PTGES2: variants seen among roughly 807,000 people sequenced by gnomAD.
The protein encoded by PTGES2 is GATE-binding factor 1.
PTGES2 carries 35 observed loss-of-function variants against 44.5 expected under a neutral mutation model. That is an observed-to-expected ratio of 0.79 (90% CI 0.60 to 1.04). The LOEUF (loss-of-function observed/expected upper bound fraction) is 1.04, where lower values mean the gene tolerates loss of function less well. Among genes scored for constraint, PTGES2 ranks in the 50% least tolerant of loss-of-function variants. The pLI, the probability that PTGES2 is intolerant of heterozygous loss-of-function variation, is 0.00. For missense variants in PTGES2, 517 were observed against 521.4 expected (o/e 0.99, Z 0.08); for synonymous variants, 221 against 227.5 (o/e 0.97, Z 0.26).
In PTGES2 at chr9:128,123,808, C is replaced by T; in HGVS notation, c.580G>A (p.Ala194Thr). Residue 194 changes from alanine (A) to threonine (T), a missense_variant, in exon 4 of 7, where the codon GCT becomes ACT. By Grantham distance (58) the Ala-to-Thr change is moderately conservative. Coordinates refer to ENST00000338961, the MANE Select transcript of PTGES2 (RefSeq NM_025072.7). This position sits in a 1 kb window ranked among gnomAD's most constrained non-coding sequence, Gnocchi z 4.4. ...ACCTCCTTGCCCTGCTCGTTCACAG[C>T]CTTCATGGCTGGGTAGTAGGTGATG... ...EIITYYPAMKAVNEQGKEVTE... is the reference protein window; with the variant it reads ...EIITYYPAMKTVNEQGKEVTE... 2 of 1,614,140 alleles carry T rather than the reference C, an allele frequency of 1.2e-6. No individual in the cohort carries two copies. The highest frequency in any genetic ancestry group is 1.7e-6 in the Non-Finnish European group (2 of 1,180,008).
At chr9:128,124,348 T>G (rs1199452121) in intron 3 of PTGES2, 144 bp downstream of exon 3, 1 of 626,050 alleles carries the variant, frequency 1.6e-6, no homozygotes, top group East Asian at 3.2e-5. Flanking sequence ...CCTCCCAAAG[T>G]GCTGGGATTA....
Position 128,127,504 on chromosome 9 carries a change from GC to G in PTGES2, c.213del (p.Leu72CysfsTer31). On this transcript the variant is annotated frameshift_variant, in exon 1 of 7. Transcript: ENST00000338961. LOFTEE classifies it high-confidence loss of function. Reference protein sequence around the residue: ...AAALALGGALGLYHTARWHLR... With the variant: ...AAALALGGALXLYHTARWHLR... ...AGGTGCCACCGCGCCGTGTGGTACA[GC>G]CCCAGGGCTCCCCCCAGGGCCAGCG... is the stretch of plus-strand genomic sequence containing the variant. 7.4e-7 allele frequency: 1 copy of G among 1,356,566 alleles called. No individual in the cohort carries two copies. The allele number at this position is 1,356,566 out of a possible 1,614,324, so 84.0% of individuals were successfully genotyped here. A position where few individuals can be genotyped will look rare whatever the true frequency, so the allele number is the denominator to read the frequency against.
At chr9:128,128,169 CAGGTGTTGCGGTTCT>C (rs1247376580), upstream of PTGES2, 4 of 125,218 alleles carry the variant, frequency 3.2e-5, no homozygotes, top group Non-Finnish European at 6.2e-5. Flanking sequence ...GACCCGGCAC[CAGGTGTTGCGGTTCT>C]CTCTGCCCTC....
chr9:128,124,735 G>A, intron 2 of PTGES2, 185 bp from the exon 3 acceptor site: 1 of 1,339,330 alleles, frequency 7.5e-7, no homozygotes, highest in Non-Finnish European at 9.8e-7. Flanking sequence ...CAATGGGGAG[G>A]AAGGTGTGGG....
rs116585041 is a variant in PTGES2 at position 128,126,268 on chromosome 9, C to T, written c.280-827G>A. Among the ~76,000 whole-genome samples the T allele has an allele frequency of 3.6e-3, 554 of 152,164 alleles. 5 individuals carry two copies. The highest frequency in any genetic ancestry group is 0.013 in the African/African-American group (539 of 41,516). On this transcript the variant is annotated intron_variant, in intron 1 of 6. Transcript: ENST00000338961. ...GGTCCAGCAAATAAGCATCTGTGGG[C>T]GGGTGGTGGGAAGTCAAGTAATGAA...
chr9:128,122,906 C>G, intron 5 of PTGES2, 28 bp downstream of exon 5: 1 of 1,610,440 alleles, frequency 6.2e-7, no homozygotes, highest in Non-Finnish European at 8.5e-7. Context: ...TCGGGGACAG[C>G]AGGCCCCGGA....
intron 2 of PTGES2, among the ~76,000 whole-genome samples, 168 bp downstream of exon 2, chr9:128,125,076 G>C (rs756535996): frequency 6.6e-6 from 1 of 152,194 alleles, no homozygotes; most frequent in Non-Finnish European, 1.5e-5. Flanking sequence ...CGGAAGGAGA[G>C]AGCCTACATT....
chr9:128,121,037 G>A lies in PTGES2; in HGVS notation c.*108C>T, dbSNP rs1834388219. ...GCTGGTGGGGGTGCGTGGACAAGGG[G>A]CAGAATGATCCTGCCCCCAACCAGT... is the stretch of plus-strand genomic sequence containing the variant. On this transcript the variant is annotated 3_prime_UTR_variant, in exon 7 of 7. Coordinates refer to ENST00000338961, the MANE Select transcript of PTGES2 (RefSeq NM_025072.7). The A allele has an allele frequency of 2.1e-6, 3 of 1,398,336 alleles. No individual in the cohort carries two copies. The highest frequency in any genetic ancestry group is 2.9e-6 in the Non-Finnish European group (3 of 1,028,552). 86.6% of individuals were successfully genotyped at this position (1,398,336 alleles called of 1,614,324 possible).
At chr9:128,127,827 C>T, upstream of PTGES2, 2 of 1,070,538 alleles carry the variant, frequency 1.9e-6, no homozygotes, top group Non-Finnish European at 2.4e-6. Flanking sequence ...GGGGTGAGGG[C>T]GACGCTAAGG....
intron 6 of PTGES2, among the ~76,000 whole-genome samples, chr9:128,121,732 C>T (rs1834417444): frequency 6.6e-6 from 1 of 152,124 alleles, no homozygotes; most frequent in South Asian, 2.1e-4. Flanking sequence ...GACCAACATA[C>T]TGAAACTCTG....
chr9:128,127,640 G>A lies in PTGES2; in HGVS notation c.78C>T (p.Pro26=). 4 of 1,270,394 alleles carry A rather than the reference G, an allele frequency of 3.1e-6. No homozygotes were observed. Among genetic ancestry groups the A allele is most frequent in the Non-Finnish European group, 4.0e-6 (4 of 1,009,386 alleles). The allele number at this position is 1,270,394 out of a possible 1,614,324, so 78.7% of individuals were successfully genotyped here. ...CALAWRLGGR[P]QPLLPTQSRA... ...GGCTCTGCGTGGGTAGCAGCGGCTG[G>A]GGGCGGCCTCCCAGCCTCCAGGCCA... is the stretch of plus-strand genomic sequence containing the variant. Residue 26 remains proline (P), a synonymous_variant, in exon 1 of 7, where the codon CCC becomes CCT. Transcript: ENST00000338961.
chr9:128,122,781 T>C (rs1265502387), intron 5 of PTGES2, 153 bp downstream of exon 5: 2 of 786,366 alleles, frequency 2.5e-6, no homozygotes, highest in Non-Finnish European at 2.0e-6. Flanking sequence ...CCAAGTCCCA[T>C]CTTGGCCAAG....
Position 128,123,223 on chromosome 9 carries a change from G to A in PTGES2, c.687-89C>T, listed in dbSNP as rs950252830. 2.9e-5 allele frequency: 38 copies of A among 1,294,218 alleles called. No homozygotes were observed. Among genetic ancestry groups the A allele is most frequent in the African/African-American group, 1.0e-4 (7 of 67,338 alleles). The allele number at this position is 1,294,218 out of a possible 1,614,324, so 80.2% of individuals were successfully genotyped here. A position where few individuals can be genotyped will look rare whatever the true frequency, so the allele number is the denominator to read the frequency against. On this transcript the variant is annotated intron_variant, in intron 4 of 6. Transcript: ENST00000338961. The surrounding 1 kb of genome is among the most constrained non-coding windows in gnomAD (Gnocchi z 4.4). ...TCTAGAACATACCCACTGCACGGGCGGGAAGCTGAAGCCTGAGCAGGAAGG... is the reference window on the plus strand; with the variant it reads ...TCTAGAACATACCCACTGCACGGGCAGGAAGCTGAAGCCTGAGCAGGAAGG...
In PTGES2 at chr9:128,123,752, C is replaced by T; in HGVS notation, c.636G>A (p.Met212Ile). 3 of 1,614,106 alleles carry T rather than the reference C, an allele frequency of 1.9e-6. No individual in the cohort carries two copies. The South Asian group carries it at 3.3e-5, about 18-fold the overall frequency. ...VTEFGNKYWL[M>I]LNEKEAQQVY... ...CTTGCTGGGCCTCCTTCTCGTTGAG[C>T]ATGAGCCAGTACTTATTGCCGAACT... Residue 212 changes from methionine (M) to isoleucine (I), a missense_variant, in exon 4 of 7, where the codon ATG becomes ATA. Transcript: ENST00000338961. This position sits in a 1 kb window ranked among gnomAD's most constrained non-coding sequence, Gnocchi z 4.4.
At chr9:128,125,638 C>G (rs1834591606) in intron 1 of PTGES2, among the ~76,000 whole-genome samples, 197 bp from the exon 2 acceptor site, 1 of 152,102 alleles carries the variant, frequency 6.6e-6, no homozygotes, top group Non-Finnish European at 1.5e-5. Context: ...CAGCACGGTC[C>G]CCAAGCAGGA....
chr9:128,124,195 T>C, intron 3 of PTGES2: 1 of 357,156 alleles, frequency 2.8e-6, no homozygotes, highest in East Asian at 5.4e-5. Flanking sequence ...GCGATTCTCC[T>C]GCCTCAGCCT....
intron 2 of PTGES2, 111 bp from the exon 3 acceptor site, chr9:128,124,661 G>T (rs1564210983): frequency 4.6e-6 from 6 of 1,313,778 alleles, no homozygotes. Context: ...CTGGGGACAT[G>T]CCCGGAGTCC....
chr9:128,127,681 G>T lies in PTGES2; in HGVS notation c.37C>A (p.Pro13Thr), dbSNP rs1005610981. The change falls in exon 1 of 7, where the codon CCT (proline) becomes ACT (threonine). Residue 13 changes from proline (P) to threonine (T), a missense_variant. Coordinates refer to ENST00000338961, the MANE Select transcript of PTGES2 (RefSeq NM_025072.7). Reference sequence around the variant, plus strand: ...CTCCAGGCCAAGGCGCACCCACCAGGCCACAGCGCCCGCACCACCCGCGCA... The same window carrying T: ...CTCCAGGCCAAGGCGCACCCACCAGTCCACAGCGCCCGCACCACCCGCGCA... Reference protein sequence around the residue: ...PAARVVRALWPGGCALAWRLG... With the variant: ...PAARVVRALWTGGCALAWRLG... 87 of 1,296,796 alleles carry T rather than the reference G, an allele frequency of 6.7e-5. No individual in the cohort carries two copies. In the African/African-American group the frequency reaches 1.2e-3, roughly 18 times the overall value. 80.3% of individuals were successfully genotyped at this position (1,296,796 alleles called of 1,614,324 possible). A position where few individuals can be genotyped will look rare whatever the true frequency, so the allele number is the denominator to read the frequency against.
Position 128,122,681 on chromosome 9 carries a change from A to C in PTGES2, c.888-202T>G, listed in dbSNP as rs536159972. On this transcript the variant is annotated intron_variant, in intron 5 of 6. Transcript: ENST00000338961. ...AGGCAAGAGACCAGGCCAGGGAGAA[A>C]GCCACAGAGGAGGCGCCAGTCAGGG... 4 of 631,506 alleles carry C rather than the reference A, an allele frequency of 6.3e-6. No homozygotes were observed. In the African/African-American group the frequency reaches 7.3e-5, roughly 12 times the overall value. 39.1% of individuals were successfully genotyped at this position (631,506 alleles called of 1,614,324 possible).
Sources: gnomAD v4.1 joint callset for allele counts (sites outside exome capture counted in the v4.1 genomes callset) on GRCh38, gnomAD v4.1.1 for gene constraint, Gnocchi (gnomAD v3.1) non-coding constraint, MANE v1.5 for transcripts, NCBI Gene and HGNC (gene_info 2026-07-23, HGNC 2026-07-21) for gene names.